NBEAL1: variants seen among roughly 807,000 people sequenced by gnomAD.
The protein encoded by NBEAL1 is neurobeachin-like protein 1.
NBEAL1 carries 273 observed loss-of-function variants against 351.3 expected under a neutral mutation model. The ratio of observed to expected loss-of-function variants is 0.78; its 90% CI spans 0.70 to 0.86. The LOEUF (loss-of-function observed/expected upper bound fraction) is 0.86, where lower values mean the gene tolerates loss of function less well. Ranked by LOEUF, NBEAL1 falls within the 40% of genes least tolerant of loss-of-function variation. The pLI is 0.00. For missense variants in NBEAL1, 2,961 were observed against 3,201.3 expected, an observed-to-expected ratio of 0.92 and a Z score of 1.81; for synonymous variants, 1,050 against 1,086.4, an observed-to-expected ratio of 0.97 and a Z score of 0.66.
intron 4 of NBEAL1, among the ~76,000 whole-genome samples, chr2:203,054,602 A>C (rs2061377126): frequency 6.6e-6 from 1 of 151,844 alleles, no homozygotes; most frequent in South Asian, 2.1e-4. Flanking sequence ...TCTTTTGCTC[A>C]AATTGTGGGT....
In NBEAL1 at chr2:203,050,046, G is replaced by C. The variant is rs142220712; in HGVS notation, c.305+71G>C. 5.0e-4 allele frequency: 712 copies of C among 1,416,294 alleles called. 15 individuals are homozygous for C. The East Asian group carries it at 0.017, about 33-fold the overall frequency. 87.7% of individuals were successfully genotyped at this position (1,416,294 alleles called of 1,614,324 possible). ...TTGAACAATGAGAACACATGGAGAT[G>C]AGGAGGGGAACATCACACACTGGGC... On this transcript the variant is annotated intron_variant, in intron 4 of 55. Transcript: ENST00000683969.
intron 34 of NBEAL1, among the ~76,000 whole-genome samples, chr2:203,150,096 G>C (rs1004335957): frequency 6.6e-6 from 1 of 152,018 alleles, no homozygotes; most frequent in Non-Finnish European, 1.5e-5. Context: ...TTACTGGGTC[G>C]TGTGATAATT....
intron 31 of NBEAL1, among the ~76,000 whole-genome samples, chr2:203,139,838 T>C (rs2063322355): frequency 6.6e-6 from 1 of 151,906 alleles, no homozygotes. Flanking sequence ...AAGTGCTGGA[T>C]TACAGGTGTG....
intron 2 of NBEAL1, among the ~76,000 whole-genome samples, chr2:203,027,482 A>C (rs545934441): frequency 1.3e-5 from 2 of 152,198 alleles, no homozygotes; most frequent in East Asian, 3.9e-4. Flanking sequence ...AAGCATTTCA[A>C]AACAGTTTAC....
chr2:203,190,265 TA>T, intron 45 of NBEAL1, 26 bp from the exon 46 acceptor site: 3 of 1,534,350 alleles, frequency 2.0e-6, no homozygotes, highest in Non-Finnish European at 2.7e-6. Context: ...TTTCACTCTA[TA>T]GTAAGTTGAC....
At chr2:203,214,172 C>T (rs1470201655) in intron 55 of NBEAL1, among the ~76,000 whole-genome samples, 1 of 152,142 alleles carries the variant, frequency 6.6e-6, no homozygotes, top group African/African-American at 2.4e-5. Flanking sequence ...ATAAATCTAA[C>T]TCTCACTCTT....
rs555067032 is a variant in NBEAL1 at position 203,118,221 on chromosome 2, C to T, written c.2592+2151C>T. Among the ~76,000 whole-genome samples, 5 of 152,282 alleles carry T rather than the reference C, an allele frequency of 3.3e-5. 1 individual carries two copies. The highest frequency in any genetic ancestry group is 7.2e-5 in the African/African-American group (3 of 41,550). ...AAACGAATTGACATAACTATCAAGA[C>T]ACTTCATCCCTGTATATTTCTACAT... On this transcript the variant is annotated intron_variant, in intron 18 of 55. Transcript: ENST00000683969.
chr2:203,113,560 CCATA>C (rs2062620694), intron 17 of NBEAL1, among the ~76,000 whole-genome samples: 1 of 151,990 alleles, frequency 6.6e-6, no homozygotes, highest in Non-Finnish European at 1.5e-5. Flanking sequence ...CAGTTATCAT[CCATA>C]ATACTGCCTG....
intron 36 of NBEAL1, among the ~76,000 whole-genome samples, chr2:203,158,707 T>G (rs973383329): frequency 6.6e-6 from 1 of 152,088 alleles, no homozygotes; most frequent in African/African-American, 2.4e-5. Context: ...TCAAGTATCA[T>G]ACTTGTGCAC....
intron 6 of NBEAL1, among the ~76,000 whole-genome samples, chr2:203,066,120 C>T (rs1358620984): frequency 6.6e-6 from 1 of 152,158 alleles, no homozygotes; most frequent in Non-Finnish European, 1.5e-5. Flanking sequence ...ACATCTAATA[C>T]AGGAACTTTA....
At position 203,041,852 on chromosome 2, in the gene NBEAL1, A is replaced by T. The variant is rs1405841180; in HGVS notation, c.139A>T (p.Thr47Ser). 3 of 1,550,950 alleles carry T rather than the reference A, an allele frequency of 1.9e-6. No homozygotes were observed. In the East Asian group the frequency reaches 7.3e-5, roughly 37 times the overall value. The change falls in exon 3 of 56, where the codon ACC (threonine) becomes TCC (serine). Residue 47 changes from threonine to serine, a missense_variant. Coordinates refer to ENST00000683969, the MANE Select transcript of NBEAL1 (RefSeq NM_001378026.1). ...FLDVDFEKLP[T>S]RVDDMPPGIS... ...AGACGTTGACTTTGAAAAGCTGCCT[A>T]CCAGGTATGTAGAAACGCTAATTTG...
chr2:203,051,544 C>CAAA (rs11305453), intron 4 of NBEAL1, among the ~76,000 whole-genome samples: 1 of 110,668 alleles, frequency 9.0e-6, no homozygotes, highest in Non-Finnish European at 1.9e-5. Flanking sequence ...AGACTCTTCT[C>CAAA]AAAAAAAAAA....
rs191808137 is a variant in NBEAL1, at chr2:203,118,014, A to G, written c.2592+1944A>G. 2.6e-4 allele frequency among the ~76,000 whole-genome samples: 40 copies of G among 152,182 alleles called. 1 individual carries two copies. Among genetic ancestry groups the G allele is most frequent in the Admixed American group, 2.4e-3 (37 of 15,280 alleles). ...TTACTTTTAAATATTTATTTTTTGTATCTGACCTAATAAAATTTGCTTATT... is the reference window on the plus strand; with the variant it reads ...TTACTTTTAAATATTTATTTTTTGTGTCTGACCTAATAAAATTTGCTTATT... On this transcript the variant is annotated intron_variant, in intron 18 of 55. Coordinates refer to ENST00000683969, the MANE Select transcript of NBEAL1 (RefSeq NM_001378026.1).
chr2:203,111,298 A>C (rs1210311089), intron 15 of NBEAL1, among the ~76,000 whole-genome samples: 1 of 152,196 alleles, frequency 6.6e-6, no homozygotes, highest in East Asian at 1.9e-4. Flanking sequence ...GCTATAGAGC[A>C]TGACCCAATT....
At chr2:203,109,178 G>A (rs1447876542) in intron 14 of NBEAL1, among the ~76,000 whole-genome samples, 1 of 152,008 alleles carries the variant, frequency 6.6e-6, no homozygotes, top group Admixed American at 6.5e-5. Flanking sequence ...TCAGTATGGA[G>A]AAACACTGTC....
At chr2:203,175,796 C>T (rs578018707) in intron 42 of NBEAL1, among the ~76,000 whole-genome samples, 21 of 152,284 alleles carry the variant, frequency 1.4e-4, no homozygotes, top group Admixed American at 6.5e-4. Flanking sequence ...TCTTCTGTTC[C>T]TCAGTAAATC....
chr2:203,107,156 T>C (rs578237439), intron 12 of NBEAL1, among the ~76,000 whole-genome samples: 1 of 152,298 alleles, frequency 6.6e-6, no homozygotes, highest in South Asian at 2.1e-4. Context: ...CTGCAAATAA[T>C]ATAATAATTC....
chr2:203,158,551 T>C, intron 36 of NBEAL1, among the ~76,000 whole-genome samples: 1 of 152,192 alleles, frequency 6.6e-6, no homozygotes, highest in Non-Finnish European at 1.5e-5. Flanking sequence ...ATCTCCTCTT[T>C]GTGTCACTAC....
At chr2:203,028,942 C>T (rs1418972313) in intron 2 of NBEAL1, among the ~76,000 whole-genome samples, 1 of 152,110 alleles carries the variant, frequency 6.6e-6, no homozygotes, top group East Asian at 1.9e-4. Flanking sequence ...ATATCCTGGA[C>T]CACAATGCGC....
Sources: allele counts gnomAD v4.1 joint callset (sites outside exome capture counted in the v4.1 genomes callset), GRCh38; gene constraint gnomAD v4.1.1; transcripts MANE v1.5; gene names NCBI Gene and HGNC (gene_info 2026-07-23, HGNC 2026-07-21).